The following NDUFA5 variants were observed in gnomAD, a reference collection of about 807,000 sequenced individuals.
The protein encoded by NDUFA5 is NADH:ubiquinone oxidoreductase subunit A5.
In NDUFA5, 11 loss-of-function variants were observed where a neutral mutation model predicts 19.8. The observed-to-expected ratio is 0.56, with a 90% confidence interval of 0.35 to 0.92. The LOEUF is 0.92. Among genes scored for constraint, NDUFA5 ranks in the 40% least tolerant of loss-of-function variants. The pLI is 0.01. For synonymous variants in NDUFA5, 47 were observed against 46.8 expected (o/e 1.00, Z -0.01); for missense variants, 109 against 134.2 (o/e 0.81, Z 0.93).
At chr7:123,580,609 C>T in the NDUFA5 span, among the ~76,000 whole-genome samples, 23 of 152,030 alleles carry the variant, frequency 1.5e-4, no homozygotes, top group African/African-American at 5.3e-4. Context: ...CATATGGCAC[C>T]TTTGTGCAGT....
intron 4 of NDUFA5, among the ~76,000 whole-genome samples, chr7:123,545,142 A>C (rs1798083596): frequency 6.6e-6 from 1 of 152,142 alleles, no homozygotes. Context: ...TTGGGAAATA[A>C]TGTAGAATTA....
the NDUFA5 span, among the ~76,000 whole-genome samples, chr7:123,595,838 C>A: frequency 6.6e-6 from 1 of 152,100 alleles, no homozygotes; most frequent in Non-Finnish European, 1.5e-5. Flanking sequence ...GGTGAATGGG[C>A]CATATCTTCA....
intron 3 of NDUFA5, among the ~76,000 whole-genome samples, chr7:123,546,093 T>C (rs1030657733): frequency 2.6e-5 from 4 of 152,122 alleles, no homozygotes; most frequent in Admixed American, 6.5e-5. Flanking sequence ...AAAAACATGT[T>C]TGAGAATATT....
At chr7:123,554,319 A>G (rs1798458963) in intron 2 of NDUFA5, among the ~76,000 whole-genome samples, 1 of 152,188 alleles carries the variant, frequency 6.6e-6, no homozygotes, top group Admixed American at 6.5e-5. Flanking sequence ...ATTTTAAATT[A>G]CATACAAATA....
chr7:123,569,734 A>G, the NDUFA5 span, among the ~76,000 whole-genome samples: 35 of 152,338 alleles, frequency 2.3e-4, no homozygotes, highest in Admixed American at 2.2e-3. Flanking sequence ...TGGAATTTAC[A>G]TATCTTAAAT....
At chr7:123,552,942 T>C (rs1189581910) in intron 2 of NDUFA5, among the ~76,000 whole-genome samples, 1 of 152,226 alleles carries the variant, frequency 6.6e-6, no homozygotes, top group Non-Finnish European at 1.5e-5. Context: ...TTTGCTGACT[T>C]GCCAATAGCT....
At chr7:123,589,018 T>C in the NDUFA5 span, among the ~76,000 whole-genome samples, 1 of 151,874 alleles carries the variant, frequency 6.6e-6, no homozygotes, top group Non-Finnish European at 1.5e-5. Flanking sequence ...CTATGTCCAT[T>C]GATAATGTGT....
chr7:123,588,619 G>T, the NDUFA5 span, among the ~76,000 whole-genome samples: 4 of 144,174 alleles, frequency 2.8e-5, no homozygotes, highest in East Asian at 8.1e-4. Context: ...CTAACTTTGG[G>T]GTTATTTTGT....
At chr7:123,599,268 A>C in the NDUFA5 span, among the ~76,000 whole-genome samples, 1 of 152,170 alleles carries the variant, frequency 6.6e-6, no homozygotes, top group African/African-American at 2.4e-5. Context: ...CCAAAAAAAC[A>C]CACAAAACAA....
chr7:123,539,746 A>C lies in NDUFA5; in HGVS notation c.*2373T>G, dbSNP rs866165613. The C allele has an allele frequency of 6.6e-6, 1 of 152,242 alleles. No individual in the cohort carries two copies. Among genetic ancestry groups the C allele is most frequent in the African/African-American group, 2.4e-5 (1 of 41,464 alleles). 9.4% of individuals were successfully genotyped at this position (152,242 alleles called of 1,614,324 possible). A position where few individuals can be genotyped will look rare whatever the true frequency, so the allele number is the denominator to read the frequency against. ...CAATGACCAAATTGCAATACCTTTTAGATACCTATCCCATTAACATAATCT... is the reference window on the plus strand; with the variant it reads ...CAATGACCAAATTGCAATACCTTTTCGATACCTATCCCATTAACATAATCT... On this transcript the variant is annotated 3_prime_UTR_variant, in exon 5 of 5. Coordinates refer to ENST00000355749, the MANE Select transcript of NDUFA5 (RefSeq NM_005000.5).
At chr7:123,556,883 A>G (rs1044660302) in intron 2 of NDUFA5, 3 of 514,122 alleles carry the variant, frequency 5.8e-6, no homozygotes, top group African/African-American at 5.8e-5. Context: ...GAAAATAGAG[A>G]TAACTCTTTT....
rs931886242 is a variant in NDUFA5 at position 123,537,376 on chromosome 7, T to G, written c.*4743A>C. 5.3e-5 allele frequency: 8 copies of G among 152,194 alleles called. No individual in the cohort carries two copies. Among genetic ancestry groups the G allele is most frequent in the Non-Finnish European group, 1.2e-4 (8 of 68,020 alleles). The allele number at this position is 152,194 out of a possible 1,614,324, so 9.4% of individuals were successfully genotyped here. On this transcript the variant is annotated 3_prime_UTR_variant, in exon 5 of 5. Transcript: ENST00000355749. ...AGAAAACTAAGGACCTGAAAATTTT[T>G]GTTTTGGAAATTATTTAGATTAAAT...
In NDUFA5 at chr7:123,542,190, T is replaced by C; in HGVS notation, c.280A>G (p.Met94Val). Reference sequence around the variant, plus strand: ...GGCTCCCATAGTTTCCATTCCCTCATTTTTCTTGCCAGATTTAGTTCATGT... The same window carrying C: ...GGCTCCCATAGTTTCCATTCCCTCACTTTTCTTGCCAGATTTAGTTCATGT... ...AEHELNLARK[M>V]REWKLWEPLV... Residue 94 changes from methionine to valine, a missense_variant, in exon 5 of 5, where the codon ATG (methionine) becomes GTG (valine). Physicochemically the swap from Met to Val is conservative, Grantham distance 21. Coordinates refer to ENST00000355749, the MANE Select transcript of NDUFA5 (RefSeq NM_005000.5). The C allele has an allele frequency of 2.5e-6, 4 of 1,612,220 alleles. No homozygotes were observed. Among genetic ancestry groups the C allele is most frequent in the South Asian group, 1.1e-5 (1 of 90,908 alleles).
At chr7:123,575,636 G>C in the NDUFA5 span, among the ~76,000 whole-genome samples, 1 of 151,494 alleles carries the variant, frequency 6.6e-6, no homozygotes, top group African/African-American at 2.4e-5. Context: ...TTATTGTTTG[G>C]TTGTAACAAT....
chr7:123,550,439 A>ACAAATC (rs1798290923), intron 3 of NDUFA5, 31 bp downstream of exon 3: 4 of 1,296,464 alleles, frequency 3.1e-6, no homozygotes, highest in Non-Finnish European at 4.4e-6. Context: ...TAAATGTTAC[A>ACAAATC]CAAGACAACA....
chr7:123,582,193 C>T, the NDUFA5 span, among the ~76,000 whole-genome samples: 1 of 151,940 alleles, frequency 6.6e-6, no homozygotes, highest in South Asian at 2.1e-4. Flanking sequence ...CAGGCCCAGA[C>T]CACTTTGAGG....
the NDUFA5 span, among the ~76,000 whole-genome samples, chr7:123,574,813 C>G: frequency 1.3e-5 from 2 of 152,092 alleles, no homozygotes; most frequent in African/African-American, 2.4e-5. Context: ...GCTTACACAT[C>G]TTTAAGTAGT....
upstream of NDUFA5, chr7:123,558,252 G>C (rs2116222074): frequency 5.3e-6 from 1 of 187,316 alleles, no homozygotes; most frequent in South Asian, 1.1e-4. Flanking sequence ...TTAGTTCTTC[G>C]CACAAGGATA....
chr7:123,596,107 A>G, the NDUFA5 span, among the ~76,000 whole-genome samples: 6 of 152,172 alleles, frequency 3.9e-5, no homozygotes, highest in African/African-American at 1.4e-4. Flanking sequence ...ATCTAAAACT[A>G]GCATAAATCA....
Sources: allele counts gnomAD v4.1 joint callset (sites outside exome capture counted in the v4.1 genomes callset), GRCh38; gene constraint gnomAD v4.1.1; transcripts MANE v1.5; gene names NCBI Gene and HGNC (gene_info 2026-07-23, HGNC 2026-07-21).